DLGAP1: variants seen among roughly 807,000 people sequenced by gnomAD.
DLGAP1 encodes the protein DLG associated protein 1.
Under a neutral mutation model 90.8 loss-of-function variants are expected in DLGAP1, and 11 were observed. That is an observed-to-expected ratio of 0.12 (90% CI 0.08 to 0.20). The LOEUF is 0.20. Among genes scored for constraint, DLGAP1 ranks in the 10% least tolerant of loss-of-function variants. DLGAP1 has a pLI of 1.00. For synonymous variants in DLGAP1, 558 were observed against 540.7 expected, an observed-to-expected ratio of 1.03 and a Z score of -0.44; for missense variants, 1,050 against 1,333.8, an observed-to-expected ratio of 0.79 and a Z score of 3.31.
intron 2 of DLGAP1, among the ~76,000 whole-genome samples, chr18:4,011,642 C>T (rs1223296524): frequency 6.6e-6 from 1 of 151,836 alleles, no homozygotes; most frequent in Non-Finnish European, 1.5e-5. Context: ...CATAGTGAAA[C>T]CTTGTCTCTA....
At chr18:3,799,814 C>A (rs1442638684) in intron 5 of DLGAP1, among the ~76,000 whole-genome samples, 2 of 152,156 alleles carry the variant, frequency 1.3e-5, no homozygotes, top group Non-Finnish European at 2.9e-5. Context: ...TTCCTCCCTC[C>A]CGCTAATACT....
intron 3 of DLGAP1, among the ~76,000 whole-genome samples, chr18:3,906,452 T>C (rs2071908057): frequency 1.3e-5 from 2 of 152,200 alleles, no homozygotes; most frequent in South Asian, 4.1e-4. Flanking sequence ...TTATTCCCCC[T>C]GAAAACACAG....
At chr18:3,627,000 G>A (rs551408670) in intron 7 of DLGAP1, among the ~76,000 whole-genome samples, 2 of 152,270 alleles carry the variant, frequency 1.3e-5, no homozygotes, top group South Asian at 2.1e-4. Context: ...CACTTTAAAC[G>A]AGTGGATTTT....
At chr18:3,992,963 TAACA>T (rs2073997907) in intron 3 of DLGAP1, 1 of 152,128 alleles carries the variant, frequency 6.6e-6, no homozygotes, top group African/African-American at 2.4e-5. Flanking sequence ...ATTTTGCTCT[TAACA>T]GTTAAGGAGA....
chr18:3,998,777 C>T (rs959267607), intron 3 of DLGAP1, among the ~76,000 whole-genome samples: 19 of 151,980 alleles, frequency 1.3e-4, no homozygotes, highest in African/African-American at 4.1e-4. Context: ...GCAACAGTCT[C>T]GAATAAATAG....
chr18:4,242,469 G>A (rs1340083684), intron 1 of DLGAP1, among the ~76,000 whole-genome samples: 1 of 152,076 alleles, frequency 6.6e-6, no homozygotes, highest in Non-Finnish European at 1.5e-5. Flanking sequence ...AGGATTTGGG[G>A]TAAATCTGCT....
intron 1 of DLGAP1, among the ~76,000 whole-genome samples, chr18:4,310,242 T>C (rs2143440402): frequency 6.6e-6 from 1 of 152,324 alleles, no homozygotes; most frequent in African/African-American, 2.4e-5. Flanking sequence ...GTGTGAGTTT[T>C]TTTTTAATTG....
At chr18:3,686,071 G>A (rs904057106) in intron 7 of DLGAP1, among the ~76,000 whole-genome samples, 3 of 152,092 alleles carry the variant, frequency 2.0e-5, no homozygotes, top group Non-Finnish European at 4.4e-5. Context: ...CAGCTACTTG[G>A]GAGGCTGAGG....
chr18:3,600,861 T>TATAGATATATAGATATATAG (rs2056924129), intron 7 of DLGAP1, among the ~76,000 whole-genome samples: 1 of 82,660 alleles, frequency 1.2e-5, no homozygotes, highest in Non-Finnish European at 2.2e-5. Flanking sequence ...TATAGATATA[T>TATAGATATATAGATATATAG]ATAGATATAT....
intron 1 of DLGAP1, among the ~76,000 whole-genome samples, chr18:4,355,321 C>T (rs1466921642): frequency 3.3e-5 from 5 of 152,128 alleles, no homozygotes; most frequent in African/African-American, 1.2e-4. Context: ...AATCTCAAGG[C>T]AATTATACTG....
At chr18:4,382,777 T>C (rs1290641794) in intron 1 of DLGAP1, among the ~76,000 whole-genome samples, 3 of 152,174 alleles carry the variant, frequency 2.0e-5, no homozygotes, top group African/African-American at 7.2e-5. Flanking sequence ...ATCTCACATG[T>C]ATACAATTCT....
intron 1 of DLGAP1, among the ~76,000 whole-genome samples, chr18:4,344,582 A>T (rs1016238633): frequency 3.9e-5 from 6 of 152,250 alleles, no homozygotes; most frequent in Non-Finnish European, 8.8e-5. Flanking sequence ...TGGTGAGGCT[A>T]CAAAGCTTTT....
At chr18:3,544,796 T>A (rs1022607777) in intron 9 of DLGAP1, among the ~76,000 whole-genome samples, 54 of 151,868 alleles carry the variant, frequency 3.6e-4, no homozygotes, top group Non-Finnish European at 6.6e-4. Flanking sequence ...TGGAATGCAG[T>A]GGCTCCATCT....
intron 4 of DLGAP1, among the ~76,000 whole-genome samples, chr18:3,833,019 G>C (rs2068116821): frequency 6.6e-6 from 1 of 152,190 alleles, no homozygotes. Flanking sequence ...AGTAAGAGAA[G>C]CTCAAATAGC....
At chr18:3,788,786 T>A (rs778940076) in intron 5 of DLGAP1, among the ~76,000 whole-genome samples, 2 of 152,160 alleles carry the variant, frequency 1.3e-5, no homozygotes, top group Non-Finnish European at 2.9e-5. Flanking sequence ...AGAGAAATAG[T>A]TATGAATCAA....
At chr18:3,884,025 T>TA (rs771075621) in intron 3 of DLGAP1, among the ~76,000 whole-genome samples, 3 of 152,194 alleles carry the variant, frequency 2.0e-5, no homozygotes, top group Non-Finnish European at 2.9e-5. Context: ...ATTCAGGACT[T>TA]ATGATACCTG....
At position 4,109,028 on chromosome 18, in the gene DLGAP1, T is replaced by C. The variant is rs60462904; in HGVS notation, c.-159+42152A>G. The stretch of plus-strand genomic sequence containing the variant: ...TCCGTAATGTTTGGAGCTGTCTAAA[T>C]GGGAGTGAGTTACTTCATTAAACAG... On this transcript the variant is annotated intron_variant, in intron 2 of 12. Coordinates refer to ENST00000315677, the MANE Select transcript of DLGAP1 (RefSeq NM_004746.4). Among the ~76,000 whole-genome samples the C allele has an allele frequency of 1.7e-3, 262 of 152,300 alleles. 1 individual carries two copies. Among genetic ancestry groups the C allele is most frequent in the African/African-American group, 6.2e-3 (256 of 41,558 alleles).
At chr18:4,098,464 C>T (rs2075721037) in intron 2 of DLGAP1, among the ~76,000 whole-genome samples, 2 of 152,066 alleles carry the variant, frequency 1.3e-5, no homozygotes, top group Admixed American at 1.3e-4. Context: ...GCTGTTTCAC[C>T]AGTCCAGGGC....
chr18:4,447,795 A>T (rs938862650), intron 1 of DLGAP1, among the ~76,000 whole-genome samples: 1 of 152,178 alleles, frequency 6.6e-6, no homozygotes, highest in African/African-American at 2.4e-5. Context: ...GATTCCCAAT[A>T]ATGTAAGCCT....
Sources: allele counts gnomAD v4.1 joint callset (sites outside exome capture counted in the v4.1 genomes callset), GRCh38; gene constraint gnomAD v4.1.1; transcripts MANE v1.5; gene names NCBI Gene and HGNC (gene_info 2026-07-23, HGNC 2026-07-21).